The following MBD5 variants were observed in gnomAD, a reference collection of about 807,000 sequenced individuals.
The protein encoded by MBD5 is methyl-CpG binding domain protein 5, also known as methyl-CpG-binding domain protein 5.
In MBD5, 13 loss-of-function variants were observed where a neutral mutation model predicts 117.3. The observed-to-expected ratio is 0.11, with a 90% CI of 0.07 to 0.18. The LOEUF (loss-of-function observed/expected upper bound fraction) is 0.18, where lower values mean the gene tolerates loss of function less well. MBD5 is among the 10% of genes least tolerant of loss of function. The pLI, the probability that MBD5 is intolerant of heterozygous loss-of-function variation, is 1.00. For synonymous variants in MBD5, 727 were observed against 766.4 expected, an observed-to-expected ratio of 0.95 and a Z score of 0.85; for missense variants, 1,879 against 2,093.8, an observed-to-expected ratio of 0.90 and a Z score of 2.00.
intron 2 of MBD5, among the ~76,000 whole-genome samples, chr2:148,230,742 A>C (rs569637742): frequency 2.0e-5 from 3 of 152,256 alleles, no homozygotes; most frequent in African/African-American, 7.2e-5. Context: ...TCAGGGCCCA[A>C]GGTCTCTTCA....
At chr2:148,378,304 G>T (rs1057098585) in intron 4 of MBD5, among the ~76,000 whole-genome samples, 2 of 152,004 alleles carry the variant, frequency 1.3e-5, no homozygotes, top group Non-Finnish European at 2.9e-5. Context: ...TTCAAAGTTG[G>T]CCTGAGTCAT....
chr2:148,132,333 TATATATATATATATATACAC>T (rs1421060483), intron 1 of MBD5, among the ~76,000 whole-genome samples: 2 of 782 alleles, frequency 2.6e-3, no homozygotes, highest in East Asian at 0.1. Context: ...TATATATACA[TATATATATATATATATACAC>T]ATATATATAT....
Position 148,402,122 on chromosome 2 carries a change from C to T in MBD5, c.-556-56081C>T, listed in dbSNP as rs1704942681. Reference sequence around the variant, plus strand: ...TAGAGGTTTACATCAGGCTTCTGCACTGTAAAGTTGCTATTTTCCCCCTTT... The same window carrying T: ...TAGAGGTTTACATCAGGCTTCTGCATTGTAAAGTTGCTATTTTCCCCCTTT... On this transcript the variant is annotated intron_variant, in intron 4 of 13. Transcript: ENST00000642680. 3.9e-5 allele frequency among the ~76,000 whole-genome samples: 6 copies of T among 152,048 alleles called. No individual in the cohort carries two copies. The South Asian group carries it at 1.2e-3, about 32-fold the overall frequency.
At chr2:148,197,806 G>GTTTTTTTTTTTTTT (rs67499597) in intron 2 of MBD5, among the ~76,000 whole-genome samples, 5 of 92,504 alleles carry the variant, frequency 5.4e-5, no homozygotes, top group South Asian at 3.1e-4. Context: ...TTTTTTTTTT[G>GTTTTTTTTTTTTTT]TTTTTTTTTT....
At chr2:148,385,157 A>G (rs1244440046) in intron 4 of MBD5, among the ~76,000 whole-genome samples, 4 of 152,164 alleles carry the variant, frequency 2.6e-5, no homozygotes, top group African/African-American at 4.8e-5. Context: ...AAAAGAAACT[A>G]CCATCAGAGT....
At chr2:148,424,085 G>C (rs1049811733) in intron 4 of MBD5, among the ~76,000 whole-genome samples, 4 of 147,104 alleles carry the variant, frequency 2.7e-5, no homozygotes, top group Non-Finnish European at 6.0e-5. Context: ...GGCTGAGGCA[G>C]GAGAATGGCA....
chr2:148,511,809 A>T (rs1367809020), intron 13 of MBD5, among the ~76,000 whole-genome samples: 1 of 152,248 alleles, frequency 6.6e-6, no homozygotes, highest in Non-Finnish European at 1.5e-5. Flanking sequence ...ACCCATAAAC[A>T]TTATTTAAAA....
chr2:148,232,663 T>C (rs1159471029), intron 2 of MBD5, among the ~76,000 whole-genome samples: 2 of 136,274 alleles, frequency 1.5e-5, no homozygotes, highest in Non-Finnish European at 3.2e-5. Context: ...TTTTTTTTTT[T>C]GGTAGAGACA....
intron 3 of MBD5, among the ~76,000 whole-genome samples, chr2:148,289,057 AT>A (rs1220668856): frequency 6.6e-6 from 1 of 152,162 alleles, no homozygotes; most frequent in Non-Finnish European, 1.5e-5. Context: ...TAAATCTCAT[AT>A]GGTTATTGAA....
chr2:148,032,325 G>C (rs986585069), intron 1 of MBD5, among the ~76,000 whole-genome samples: 3 of 152,122 alleles, frequency 2.0e-5, no homozygotes, highest in African/African-American at 7.2e-5. Context: ...AGTTGGAACT[G>C]TTTCAGTTGC....
intron 4 of MBD5, among the ~76,000 whole-genome samples, chr2:148,398,838 A>G (rs1360627118): frequency 6.6e-6 from 1 of 152,200 alleles, no homozygotes; most frequent in Non-Finnish European, 1.5e-5. Flanking sequence ...TATAAGGTGT[A>G]AGGAAGGGAT....
At chr2:148,129,136 C>T (rs1023008971) in intron 1 of MBD5, among the ~76,000 whole-genome samples, 5 of 152,150 alleles carry the variant, frequency 3.3e-5, no homozygotes, top group African/African-American at 7.2e-5. Context: ...GAACCATTAG[C>T]AGTCTTGATC....
intron 3 of MBD5, among the ~76,000 whole-genome samples, chr2:148,282,574 A>G (rs1220719034): frequency 6.6e-6 from 1 of 151,888 alleles, no homozygotes; most frequent in Non-Finnish European, 1.5e-5. Context: ...GTGTGTGTAT[A>G]TATATATATA....
At chr2:148,287,170 T>A (rs898913017) in intron 3 of MBD5, among the ~76,000 whole-genome samples, 5 of 152,240 alleles carry the variant, frequency 3.3e-5, no homozygotes, top group African/African-American at 1.2e-4. Context: ...TTTATTTCAC[T>A]TTTAACTGCT....
intron 3 of MBD5, among the ~76,000 whole-genome samples, chr2:148,309,618 A>G (rs1280185103): frequency 1.3e-5 from 2 of 152,170 alleles, no homozygotes; most frequent in Non-Finnish European, 1.5e-5. Context: ...CTCTCTTTCT[A>G]TTTGAATACT....
rs59584574 is a variant in MBD5 at position 148,051,604 on chromosome 2, A to AGTGTGTGTGT, written c.-925+29955_-925+29964dup. On this transcript the variant is annotated intron_variant, in intron 1 of 13. Coordinates refer to ENST00000642680, the MANE Select transcript of MBD5 (RefSeq NM_001378120.1). ...AAATTTCCTTCTGTTCTGTTTGTTGAGTGTGTGTGTGTGTGTGTGTGTGTG... is the reference window on the plus strand; with the variant it reads ...AAATTTCCTTCTGTTCTGTTTGTTGAGTGTGTGTGTGTGTGTGTGTGTGTGTGTGTGTGTG... 2.6e-3 allele frequency among the ~76,000 whole-genome samples: 360 copies of AGTGTGTGTGT among 139,228 alleles called. 5 individuals are homozygous for AGTGTGTGTGT. The highest frequency in any genetic ancestry group is 0.019 in the South Asian group (78 of 4,174). The allele number at this position is 139,228 out of a possible 152,430, so 91.3% of individuals were successfully genotyped here. A position where few individuals can be genotyped will look rare whatever the true frequency, so the allele number is the denominator to read the frequency against.
chr2:148,172,272 C>T (rs915107761), intron 1 of MBD5, among the ~76,000 whole-genome samples: 1 of 152,238 alleles, frequency 6.6e-6, no homozygotes, highest in African/African-American at 2.4e-5. Context: ...CCACCCTGCC[C>T]CTGCAGGCTC....
At chr2:148,217,692 GGGCGTA>G (rs1699589831) in intron 2 of MBD5, among the ~76,000 whole-genome samples, 1 of 152,068 alleles carries the variant, frequency 6.6e-6, no homozygotes, top group South Asian at 2.1e-4. Context: ...TGTATGACTG[GGGCGTA>G]CAGCTGTGGA....
chr2:148,384,705 C>T (rs999459144), intron 4 of MBD5, among the ~76,000 whole-genome samples: 7 of 151,990 alleles, frequency 4.6e-5, no homozygotes, highest in African/African-American at 7.3e-5. Flanking sequence ...TACCTGACTT[C>T]AAACTATATT....
Sources: allele counts gnomAD v4.1 joint callset (sites outside exome capture counted in the v4.1 genomes callset), GRCh38; gene constraint gnomAD v4.1.1; transcripts MANE v1.5; gene names NCBI Gene and HGNC (gene_info 2026-07-23, HGNC 2026-07-21).